The following THSD4 variants were observed in gnomAD, a reference collection of about 807,000 sequenced individuals.
The protein encoded by THSD4 is thrombospondin type-1 domain-containing protein 4.
Under a neutral mutation model 119.0 loss-of-function variants are expected in THSD4, and 69 were observed. That is an observed-to-expected ratio of 0.58 (90% CI 0.48 to 0.71). The LOEUF is 0.71. THSD4 is among the 30% of genes least tolerant of loss of function. The pLI is 0.00. For synonymous variants in THSD4, 524 were observed against 540.4 expected, an observed-to-expected ratio of 0.97 and a Z score of 0.42; for missense variants, 1,393 against 1,391.1, an observed-to-expected ratio of 1.00 and a Z score of -0.02.
intron 7 of THSD4, among the ~76,000 whole-genome samples, chr15:71,639,428 A>G (rs1339675495): frequency 1.3e-5 from 2 of 152,102 alleles, no homozygotes; most frequent in African/African-American, 4.8e-5. Flanking sequence ...CTAACCACAA[A>G]ATTCCACTCC....
At chr15:71,457,794 C>T (rs971027955) in intron 7 of THSD4, among the ~76,000 whole-genome samples, 3 of 152,168 alleles carry the variant, frequency 2.0e-5, no homozygotes, top group East Asian at 1.9e-4. Context: ...TTCCCGGATC[C>T]GTTATTCTTA....
At chr15:71,688,001 C>G (rs961710980) in intron 8 of THSD4, among the ~76,000 whole-genome samples, 1 of 152,120 alleles carries the variant, frequency 6.6e-6, no homozygotes, top group Non-Finnish European at 1.5e-5. Flanking sequence ...GTTATAATCT[C>G]CTGTAAATGT....
intron 7 of THSD4, among the ~76,000 whole-genome samples, chr15:71,502,157 T>C (rs1177996040): frequency 6.6e-6 from 1 of 152,210 alleles, no homozygotes; most frequent in East Asian, 1.9e-4. Context: ...CAGGGATAAA[T>C]AGCATGGTGG....
intron 8 of THSD4, among the ~76,000 whole-genome samples, chr15:71,712,340 C>T (rs1048534189): frequency 6.6e-6 from 1 of 152,102 alleles, no homozygotes; most frequent in Non-Finnish European, 1.5e-5. Flanking sequence ...GAAAGTACAA[C>T]ATGTCAAAAT....
intron 4 of THSD4, among the ~76,000 whole-genome samples, chr15:71,241,548 T>A (rs1041007843): frequency 1.3e-5 from 2 of 151,914 alleles, no homozygotes; most frequent in African/African-American, 4.9e-5. Flanking sequence ...TTGCTAACTC[T>A]GTGTTTTGCA....
chr15:71,112,008 C>CA, upstream of THSD4: 1 of 1,213,274 alleles, frequency 8.2e-7, no homozygotes, highest in South Asian at 1.5e-5. Context: ...AGTTTCCCCC[C>CA]AAAGGGTCCA....
At chr15:71,566,156 C>T (rs78573283) in intron 7 of THSD4, among the ~76,000 whole-genome samples, 3 of 141,784 alleles carry the variant, frequency 2.1e-5, no homozygotes, top group Non-Finnish European at 3.1e-5. Context: ...TTCTTTTTTT[C>T]TTTTTTTTTT....
At chr15:71,474,092 C>G (rs1172192279) in intron 7 of THSD4, among the ~76,000 whole-genome samples, 2 of 152,200 alleles carry the variant, frequency 1.3e-5, no homozygotes, top group African/African-American at 4.8e-5. Context: ...ATCCCAGTGT[C>G]CTAGTCTGCT....
At position 71,116,842 on chromosome 15, in the gene THSD4, GGGCT is replaced by G. The variant is rs142278600; in HGVS notation, c.-80+1145_-80+1148del. Among the ~76,000 whole-genome samples the G allele has an allele frequency of 3.7e-3, 559 of 152,108 alleles. 6 individuals carry two copies. Among genetic ancestry groups the G allele is most frequent in the African/African-American group, 0.013 (522 of 41,478 alleles). On this transcript the variant is annotated intron_variant, in intron 1 of 17. Transcript: ENST00000261862. ...TATTGTTGGAGGTGATGGAGTAACT[GGGCT>G]TACTAGGGTCTTACTGGGTCTCAAT...
chr15:71,112,012 G>A, upstream of THSD4: 1 of 1,235,588 alleles, frequency 8.1e-7, no homozygotes, highest in Non-Finnish European at 1.1e-6. Flanking sequence ...TCCCCCCAAA[G>A]GGTCCAGCTG....
intron 6 of THSD4, among the ~76,000 whole-genome samples, chr15:71,362,518 T>C (rs2045905155): frequency 6.6e-6 from 1 of 152,194 alleles, no homozygotes; most frequent in African/African-American, 2.4e-5. Context: ...GAGAAAAGCC[T>C]AGCCTCATCT....
At chr15:71,752,159 G>A (rs1010646579) in intron 14 of THSD4, among the ~76,000 whole-genome samples, 16 of 152,014 alleles carry the variant, frequency 1.1e-4, no homozygotes, top group South Asian at 6.3e-4. Flanking sequence ...AGCACAATAC[G>A]TACAGAGAAA....
intron 7 of THSD4, among the ~76,000 whole-genome samples, chr15:71,550,320 G>T (rs1425423266): frequency 3.3e-5 from 5 of 152,230 alleles, no homozygotes; most frequent in Admixed American, 2.6e-4. Context: ...TCTCAGATAA[G>T]ACCAATGAGA....
intron 6 of THSD4, among the ~76,000 whole-genome samples, chr15:71,339,252 T>C (rs1025678604): frequency 6.6e-6 from 1 of 152,192 alleles, no homozygotes; most frequent in Non-Finnish European, 1.5e-5. Flanking sequence ...TTTTTGTCTC[T>C]GTCTACCCAA....
chr15:71,332,882 A>AT (rs2045440570), intron 6 of THSD4, among the ~76,000 whole-genome samples: 2 of 32,296 alleles, frequency 6.2e-5, no homozygotes, highest in African/African-American at 1.4e-4. Flanking sequence ...AAACATTGAG[A>AT]TTTTTTTACA....
chr15:71,430,092 G>C (rs965513113), intron 7 of THSD4, among the ~76,000 whole-genome samples: 21 of 151,576 alleles, frequency 1.4e-4, no homozygotes, highest in African/African-American at 4.9e-4. Context: ...ATAAGCTGTT[G>C]TGGTGATTTT....
In THSD4 at chr15:71,319,732, ATGTGTTTTTCTT is replaced by A. The variant is rs1344513845; in HGVS notation, c.1015+63021_1015+63032del. On this transcript the variant is annotated intron_variant, in intron 6 of 17. Coordinates refer to ENST00000261862, the MANE Select transcript of THSD4 (RefSeq NM_024817.3). ...ATACGTGTGCATGTGTCTTTATAGC[ATGTGTTTTTCTT>A]TGTTCTGATTCTGAATTGCCCTGTT... 2.6e-5 allele frequency among the ~76,000 whole-genome samples: 4 copies of A among 152,126 alleles called. No homozygotes were observed. The East Asian group carries it at 5.8e-4, about 22-fold the overall frequency.
rs2053349211 is a variant in THSD4 at position 71,746,891 on chromosome 15, A to G, written c.2090A>G (p.Gln697Arg). Reference protein sequence around the residue: ...ECSKTCGLGMQHRQVLCRQVY... With the variant: ...ECSKTCGLGMRHRQVLCRQVY... The stretch of plus-strand genomic sequence containing the variant: ...AGCAAGACCTGTGGCCTGGGCATGC[A>G]GCACCGCCAGGTTCTGTGCCGCCAG... Residue 697 changes from glutamine to arginine, a missense_variant, in exon 13 of 18, where the codon CAG becomes CGG. Transcript: ENST00000261862. 1.2e-6 allele frequency: 2 copies of G among 1,614,004 alleles called. No homozygotes were observed. Among genetic ancestry groups the G allele is most frequent in the Non-Finnish European group, 1.7e-6 (2 of 1,180,048 alleles).
At chr15:71,396,054 G>A (rs939599005) in intron 6 of THSD4, among the ~76,000 whole-genome samples, 8 of 151,902 alleles carry the variant, frequency 5.3e-5, no homozygotes, top group Admixed American at 2.6e-4. Flanking sequence ...TGATGAACCC[G>A]TGTGCTTTTA....
Sources: allele counts gnomAD v4.1 joint callset (sites outside exome capture counted in the v4.1 genomes callset), GRCh38; gene constraint gnomAD v4.1.1; transcripts MANE v1.5; gene names NCBI Gene and HGNC (gene_info 2026-07-23, HGNC 2026-07-21).